EZR: variants seen among roughly 807,000 people sequenced by gnomAD.
The protein encoded by EZR is ezrin, also known as cytovillin 2.
Under a neutral mutation model 74.8 loss-of-function variants are expected in EZR, and 40 were observed. That is an observed-to-expected ratio of 0.53 (90% CI 0.42 to 0.70). The LOEUF (loss-of-function observed/expected upper bound fraction) is 0.70. Ranked by LOEUF, EZR falls within the 30% of genes least tolerant of loss-of-function variation. The pLI, the probability that EZR is intolerant of heterozygous loss-of-function variation, is 0.00. For missense variants in EZR, 678 were observed against 755.8 expected, an observed-to-expected ratio of 0.90 and a Z score of 1.21; for synonymous variants, 341 against 283.3, an observed-to-expected ratio of 1.20 and a Z score of -2.05.
intron 5 of EZR, 111 bp downstream of exon 5, chr6:158,785,197 CT>C: frequency 7.3e-7 from 1 of 1,367,686 alleles, no homozygotes; most frequent in Admixed American, 2.1e-5. Flanking sequence ...TGAAGGAGCA[CT>C]TGACACTGGC....
intron 2 of EZR, among the ~76,000 whole-genome samples, chr6:158,791,600 A>G (rs942852602): frequency 2.6e-5 from 4 of 151,624 alleles, no homozygotes; most frequent in Non-Finnish European, 5.9e-5. Flanking sequence ...TCTGCTATCT[A>G]CTGGTTCAGA....
chr6:158,796,298 GT>G (rs1311625679), intron 2 of EZR, among the ~76,000 whole-genome samples: 1 of 152,244 alleles, frequency 6.6e-6, no homozygotes, highest in Non-Finnish European at 1.5e-5. Flanking sequence ...CATGCAAGGT[GT>G]TAAACCCCAA....
chr6:158,803,439 C>T (rs1409169311), intron 2 of EZR, among the ~76,000 whole-genome samples: 1 of 147,410 alleles, frequency 6.8e-6, no homozygotes, highest in African/African-American at 2.5e-5. Flanking sequence ...AACATTACTC[C>T]TAAAATAGTA....
chr6:158,809,240 G>A (rs1056802994), intron 2 of EZR, among the ~76,000 whole-genome samples: 1 of 152,082 alleles, frequency 6.6e-6, no homozygotes, highest in Non-Finnish European at 1.5e-5. Flanking sequence ...AGATGGAGCT[G>A]TACTTTAGAC....
At chr6:158,771,448 G>A (rs1369164201) in intron 8 of EZR, 41 bp from the exon 9 acceptor site, 3 of 1,535,170 alleles carry the variant, frequency 2.0e-6, no homozygotes, top group South Asian at 2.5e-5. Flanking sequence ...AAGCTCCTTC[G>A]TTTGGTTTTC....
chr6:158,781,647 G>A (rs1292221726), intron 7 of EZR, among the ~76,000 whole-genome samples: 5 of 152,176 alleles, frequency 3.3e-5, no homozygotes, highest in African/African-American at 9.7e-5. Context: ...TCCCACATAC[G>A]TTCCCACGAG....
At chr6:158,811,130 T>G (rs1777442657) in intron 2 of EZR, among the ~76,000 whole-genome samples, 1 of 152,260 alleles carries the variant, frequency 6.6e-6, no homozygotes, top group Non-Finnish European at 1.5e-5. Context: ...GAAAAATCTT[T>G]TTATGTCAAC....
chr6:158,774,161 G>T (rs1221406651), intron 8 of EZR, among the ~76,000 whole-genome samples: 1 of 152,152 alleles, frequency 6.6e-6, no homozygotes, highest in African/African-American at 2.4e-5. Context: ...AAGAAAGTTC[G>T]ATGTCGAAAA....
At chr6:158,771,729 C>T (rs1402398195) in intron 8 of EZR, among the ~76,000 whole-genome samples, 1 of 152,174 alleles carries the variant, frequency 6.6e-6, no homozygotes, top group East Asian at 1.9e-4. Flanking sequence ...TGCCACTGCA[C>T]GTTAACTGCA....
At chr6:158,791,714 T>TTTTTTTTA (rs1791753622) in intron 2 of EZR, among the ~76,000 whole-genome samples, 2 of 135,068 alleles carry the variant, frequency 1.5e-5, no homozygotes, top group Non-Finnish European at 3.2e-5. Flanking sequence ...CCATTTTTTT[T>TTTTTTTTA]TTTTTTTTTT....
chr6:158,770,052 G>C (rs1031839321), intron 10 of EZR, 108 bp from the exon 11 acceptor site: 2 of 1,429,572 alleles, frequency 1.4e-6, no homozygotes, highest in African/African-American at 2.8e-5. Context: ...CCAAGTCACA[G>C]GTTGAGGGGA....
intron 2 of EZR, among the ~76,000 whole-genome samples, chr6:158,806,462 T>G (rs3123128): frequency 0.058 from 8,721 of 151,060 alleles, 292 homozygotes; most frequent in Middle Eastern, 0.11. Context: ...CATTCTTTCT[T>G]CTACTCTACC....
intron 2 of EZR, among the ~76,000 whole-genome samples, chr6:158,796,526 G>A (rs7760064): frequency 0.23 from 35,663 of 152,090 alleles, 5,060 homozygotes; most frequent in African/African-American, 0.4. Flanking sequence ...CTTCCAGCTC[G>A]ATCATTCTAT....
Position 158,770,797 on chromosome 6 carries a change from C to T in EZR, c.1057G>A (p.Asp353Asn), listed in dbSNP as rs1310991721. ...GCCTTCTTTGTCTTCTCCTCATAGT[C>T]CTGCAGCCGCAGCATCAACTCCTCC... ...EKEELMLRLQ[D>N]YEEKTKKAER... The change falls in exon 10 of 14, where the codon GAC becomes AAC. Residue 353 changes from aspartate to asparagine, a missense_variant. Physicochemically the swap from Asp to Asn is conservative, Grantham distance 23 (BLOSUM62 1). Coordinates refer to ENST00000367075, the MANE Select transcript of EZR (RefSeq NM_001111077.2). The T allele has an allele frequency of 5.6e-6, 9 of 1,614,076 alleles. No homozygotes were observed. Among genetic ancestry groups the T allele is most frequent in the African/African-American group, 2.7e-5 (2 of 74,918 alleles).
intron 7 of EZR, among the ~76,000 whole-genome samples, chr6:158,779,843 T>C (rs1436680211): frequency 6.6e-6 from 1 of 151,860 alleles, no homozygotes; most frequent in African/African-American, 2.4e-5. Flanking sequence ...CCCAAAGTGC[T>C]GGGATTACAG....
At position 158,766,765 on chromosome 6, in the gene EZR, C is replaced by T. The variant is rs933236058; in HGVS notation, c.*149G>A. ...CAAACCAGGGCGCCTCCCTGGTTCCCAGCCCAGAATGTTTCTGTTGGGTAA... is the reference window on the plus strand; with the variant it reads ...CAAACCAGGGCGCCTCCCTGGTTCCTAGCCCAGAATGTTTCTGTTGGGTAA... On this transcript the variant is annotated 3_prime_UTR_variant, in exon 14 of 14. Transcript: ENST00000367075. The T allele has an allele frequency of 1.5e-5, 12 of 826,242 alleles. No homozygotes were observed. The African/African-American group carries it at 1.7e-4, about 12-fold the overall frequency. The allele number at this position is 826,242 out of a possible 1,614,324, so 51.2% of individuals were successfully genotyped here. A position where few individuals can be genotyped will look rare whatever the true frequency, so the allele number is the denominator to read the frequency against.
chr6:158,782,669 C>T (rs982602638), intron 7 of EZR, among the ~76,000 whole-genome samples: 2 of 152,216 alleles, frequency 1.3e-5, no homozygotes, highest in Admixed American at 1.3e-4. Context: ...TTTCGGGGAG[C>T]CCTGCAGAGC....
chr6:158,804,752 T>TTCC (rs1562505179), intron 2 of EZR, among the ~76,000 whole-genome samples: 5 of 56,768 alleles, frequency 8.8e-5, no homozygotes, highest in African/African-American at 6.0e-4. Context: ...GAGTTTTTCC[T>TTCC]TTCTTTTTTT....
chr6:158,766,878 A>G lies in EZR; in HGVS notation c.*36T>C. The G allele has an allele frequency of 3.8e-6, 6 of 1,594,192 alleles. No individual in the cohort carries two copies. Among genetic ancestry groups the G allele is most frequent in the Non-Finnish European group, 4.3e-6 (5 of 1,165,850 alleles). On this transcript the variant is annotated 3_prime_UTR_variant, in exon 14 of 14. Coordinates refer to ENST00000367075, the MANE Select transcript of EZR (RefSeq NM_001111077.2). ...CGTGGCGGGGCTGGCAGCGCCCGCT[A>G]TGAGCACCCCTCTGCCCTTGGTCCT...
Sources: gnomAD v4.1 joint callset for allele counts (sites outside exome capture counted in the v4.1 genomes callset) on GRCh38, gnomAD v4.1.1 for gene constraint, MANE v1.5 for transcripts, NCBI Gene and HGNC (gene_info 2026-07-23, HGNC 2026-07-21) for gene names.